Variants in CNKSR3 observed in about 807,000 individuals in gnomAD.
CNKSR3 encodes CNKSR family member 3.
In CNKSR3, 36 loss-of-function variants were observed where a neutral mutation model predicts 67.7. That is an observed-to-expected ratio of 0.53 (90% CI 0.41 to 0.70). The LOEUF is 0.70. CNKSR3 is among the 30% of genes least tolerant of loss of function. The pLI is 0.00. For synonymous variants in CNKSR3, 281 were observed against 271.4 expected (o/e 1.04, Z -0.35); for missense variants, 630 against 695.2 (o/e 0.91, Z 1.05).
chr6:154,448,423 AC>A (rs1785752736), intron 2 of CNKSR3, among the ~76,000 whole-genome samples: 1 of 117,566 alleles, frequency 8.5e-6, no homozygotes, highest in African/African-American at 3.4e-5. Flanking sequence ...GTAAACTCAA[AC>A]ACGTTTGTAC....
chr6:154,426,267 A>G (rs945808915), intron 7 of CNKSR3, among the ~76,000 whole-genome samples: 1 of 152,224 alleles, frequency 6.6e-6, no homozygotes, highest in Non-Finnish European at 1.5e-5. Flanking sequence ...TCTGGTAGGA[A>G]TTCAGGGAAT....
At chr6:154,432,320 T>C (rs1479315420) in intron 5 of CNKSR3, among the ~76,000 whole-genome samples, 1 of 152,246 alleles carries the variant, frequency 6.6e-6, no homozygotes, top group Non-Finnish European at 1.5e-5. Context: ...GTGAAGTACC[T>C]GTTCAGATCT....
intron 1 of CNKSR3, among the ~76,000 whole-genome samples, chr6:154,506,169 A>G (rs1787098488): frequency 6.6e-6 from 1 of 151,942 alleles, no homozygotes; most frequent in African/African-American, 2.4e-5. Flanking sequence ...ACCAATATCT[A>G]TTCTCCCCTT....
chr6:154,510,424 CCCTGG>C lies in CNKSR3; in HGVS notation c.-315_-311del. On this transcript the variant is annotated 5_prime_UTR_variant, in exon 1 of 13. Coordinates refer to ENST00000607772, the MANE Select transcript of CNKSR3 (RefSeq NM_173515.4). ...GGCACGCCGGGCTGCGACCCCAGACCCCTGGCCTCGGCTCGGCACGGGAGCCTCCC... is the reference window on the plus strand; with the variant it reads ...GGCACGCCGGGCTGCGACCCCAGACCCCTCGGCTCGGCACGGGAGCCTCCC... 2.2e-6 allele frequency: 1 copy of C among 448,660 alleles called. No homozygotes were observed. The highest frequency in any genetic ancestry group is 4.0e-6 in the Non-Finnish European group (1 of 252,968). 27.8% of individuals were successfully genotyped at this position (448,660 alleles called of 1,614,324 possible). A position where few individuals can be genotyped will look rare whatever the true frequency, so the allele number is the denominator to read the frequency against.
intron 5 of CNKSR3, among the ~76,000 whole-genome samples, chr6:154,432,002 A>AAATGTAAATT (rs1785378154): frequency 3.9e-5 from 6 of 152,174 alleles, no homozygotes; most frequent in African/African-American, 1.4e-4. Context: ...GTAAATTTTC[A>AAATGTAAATT]ACTCCTTTGG....
At chr6:154,415,116 A>AC (rs1554231298) in intron 9 of CNKSR3, among the ~76,000 whole-genome samples, 6 of 144,498 alleles carry the variant, frequency 4.2e-5, no homozygotes, top group Non-Finnish European at 7.5e-5. Flanking sequence ...AAAAAAAAAA[A>AC]AAAAAACAAG....
chr6:154,498,696 T>C (rs1786925167), intron 1 of CNKSR3, among the ~76,000 whole-genome samples: 1 of 152,230 alleles, frequency 6.6e-6, no homozygotes, highest in Non-Finnish European at 1.5e-5. Context: ...GTGTCTTTTT[T>C]ATTCTGGACT....
chr6:154,413,524 C>G (rs1473592585), intron 10 of CNKSR3, among the ~76,000 whole-genome samples: 1 of 152,062 alleles, frequency 6.6e-6, no homozygotes, highest in East Asian at 1.9e-4. Flanking sequence ...GACACCATAC[C>G]TGGCCACATA....
At chr6:154,435,536 T>C (rs1460378279) in intron 4 of CNKSR3, among the ~76,000 whole-genome samples, 1 of 152,192 alleles carries the variant, frequency 6.6e-6, no homozygotes, top group Admixed American at 6.5e-5. Context: ...ATTGTTCCAG[T>C]TGGCGTGTGA....
In CNKSR3 at chr6:154,422,619, A is replaced by G; in HGVS notation, c.832T>C (p.Leu278=). 6.2e-7 allele frequency: 1 copy of G among 1,613,596 alleles called. No homozygotes were observed. Among genetic ancestry groups the G allele is most frequent in the Middle Eastern group, 1.8e-4 (1 of 5,678 alleles). ...ACAACTCCGGTGGGATTCTCTCTCA[A>G]TTTCTTCACCAGATTTTTCAGCTGC... The part of the protein sequence containing the change: ...GWQLKNLVKK[L]RENPTGVVLL... The change falls in exon 9 of 13, where the codon TTG becomes CTG. Residue 278 remains leucine (L), a synonymous_variant. Coordinates refer to ENST00000607772, the MANE Select transcript of CNKSR3 (RefSeq NM_173515.4).
chr6:154,494,209 C>G (rs557117807), intron 1 of CNKSR3, among the ~76,000 whole-genome samples: 1 of 152,286 alleles, frequency 6.6e-6, no homozygotes, highest in South Asian at 2.1e-4. Context: ...AGGAAGCAAA[C>G]ACATCCTTCT....
intron 1 of CNKSR3, among the ~76,000 whole-genome samples, chr6:154,470,936 C>T (rs1054042590): frequency 6.6e-6 from 1 of 152,144 alleles, no homozygotes; most frequent in African/African-American, 2.4e-5. Flanking sequence ...ACATCTTCAC[C>T]AACACTAGTT....
intron 1 of CNKSR3, among the ~76,000 whole-genome samples, chr6:154,485,195 C>T (rs1786643707): frequency 6.6e-6 from 1 of 152,122 alleles, no homozygotes; most frequent in Admixed American, 6.6e-5. Flanking sequence ...GAGTTCCAAA[C>T]CTATAATGTT....
intron 1 of CNKSR3, among the ~76,000 whole-genome samples, chr6:154,465,582 A>G (rs550301470): frequency 6.6e-6 from 1 of 152,260 alleles, no homozygotes; most frequent in East Asian, 1.9e-4. Flanking sequence ...GGGGACTCAC[A>G]TTCTCACTGC....
rs5881088 is a variant in CNKSR3, at chr6:154,500,256, AACACACACACACAC to A, written c.52+9793_52+9806del. ...TAATGCATATGTAAGTAAAATTAGAAACACACACACACACACACACACACACACACACATCCACT... is the reference window on the plus strand; with the variant it reads ...TAATGCATATGTAAGTAAAATTAGAAACACACACACACACACACATCCACT... On this transcript the variant is annotated intron_variant, in intron 1 of 12. Coordinates refer to ENST00000607772, the MANE Select transcript of CNKSR3 (RefSeq NM_173515.4). Among the ~76,000 whole-genome samples, 808 of 147,318 alleles carry A rather than the reference AACACACACACACAC, an allele frequency of 5.5e-3. 8 individuals are homozygous for A. Among genetic ancestry groups the A allele is most frequent in the African/African-American group, 0.019 (766 of 40,050 alleles).
rs921928392 is a variant in CNKSR3 at position 154,400,746 on chromosome 6, CTTT to C, written c.*5605_*5607del. On this transcript the variant is annotated 3_prime_UTR_variant, in exon 13 of 13. Transcript: ENST00000607772. ...AGCAGGTCTGAACATGATGTAATCA[CTTT>C]TTCCTTTACTTATGTAAAAGGTACC... is the stretch of plus-strand genomic sequence containing the variant. The C allele has an allele frequency of 6.6e-6, 1 of 152,214 alleles. No individual in the cohort carries two copies. Among genetic ancestry groups the C allele is most frequent in the African/African-American group, 2.4e-5 (1 of 41,466 alleles). 9.4% of individuals were successfully genotyped at this position (152,214 alleles called of 1,614,324 possible).
At position 154,405,187 on chromosome 6, in the gene CNKSR3, C is replaced by A. The variant is rs546480185; in HGVS notation, c.*1167G>T. 1 of 152,722 alleles carries A rather than the reference C, an allele frequency of 6.5e-6. No individual in the cohort carries two copies. The highest frequency in any genetic ancestry group is 2.4e-5 in the African/African-American group (1 of 41,568). 9.5% of individuals were successfully genotyped at this position (152,722 alleles called of 1,614,324 possible). A position where few individuals can be genotyped will look rare whatever the true frequency, so the allele number is the denominator to read the frequency against. On this transcript the variant is annotated 3_prime_UTR_variant, in exon 13 of 13. Transcript: ENST00000607772. ...ATTTTGATTTTTTTTAACAATACTG[C>A]CCTGCTGGCAACAGCCACGATAGTC...
intron 1 of CNKSR3, among the ~76,000 whole-genome samples, chr6:154,458,037 G>A (rs1053435102): frequency 2.0e-5 from 3 of 152,218 alleles, no homozygotes; most frequent in Non-Finnish European, 4.4e-5. Flanking sequence ...AACAAAGTCT[G>A]AATGGAACAC....
rs1381499403 is a variant in CNKSR3 at position 154,397,579 on chromosome 6, T to C, written c.*8775A>G. On this transcript the variant is annotated 3_prime_UTR_variant, in exon 13 of 13. Coordinates refer to ENST00000607772, the MANE Select transcript of CNKSR3 (RefSeq NM_173515.4). ...AATTAACAGTGGCAGGCCCTGGAAATAGATGGGTAAGAGCAAATCTGTGGT... is the reference window on the plus strand; with the variant it reads ...AATTAACAGTGGCAGGCCCTGGAAACAGATGGGTAAGAGCAAATCTGTGGT... 1.3e-5 allele frequency: 2 copies of C among 152,196 alleles called. No homozygotes were observed. The highest frequency in any genetic ancestry group is 2.9e-5 in the Non-Finnish European group (2 of 68,034). The allele number at this position is 152,196 out of a possible 1,614,324, so 9.4% of individuals were successfully genotyped here. A position where few individuals can be genotyped will look rare whatever the true frequency, so the allele number is the denominator to read the frequency against.
Sources: gnomAD v4.1 joint callset for allele counts (sites outside exome capture counted in the v4.1 genomes callset) on GRCh38, gnomAD v4.1.1 for gene constraint, MANE v1.5 for transcripts, NCBI Gene and HGNC (gene_info 2026-07-23, HGNC 2026-07-21) for gene names.